SLAMF1: variants seen among roughly 807,000 people sequenced by gnomAD.
The protein encoded by SLAMF1 is signaling lymphocytic activation molecule.
SLAMF1 carries 18 observed loss-of-function variants against 35.1 expected under a neutral mutation model. The observed-to-expected ratio is 0.51, with a 90% CI of 0.35 to 0.76. The LOEUF is 0.76. SLAMF1 is among the 30% of genes least tolerant of loss of function. The pLI, the probability that SLAMF1 is intolerant of heterozygous loss-of-function variation, is 0.01. For missense variants in SLAMF1, 392 were observed against 413.0 expected, an observed-to-expected ratio of 0.95 and a Z score of 0.44; for synonymous variants, 168 against 157.2, an observed-to-expected ratio of 1.07 and a Z score of -0.51.
intron 4 of SLAMF1, among the ~76,000 whole-genome samples, chr1:160,622,070 G>C (rs1050237478): frequency 1.3e-5 from 2 of 152,144 alleles, no homozygotes; most frequent in African/African-American, 4.8e-5. Flanking sequence ...GGTCAGCTCA[G>C]AGTCAAATGT....
In SLAMF1 at chr1:160,612,644, C is replaced by T. The variant is rs140349582; in HGVS notation, c.865-64G>A. ...GAGAGCTAGTTCTCACCCAACTCTC[C>T]GATAGAGAAGCACAGACTCAAGAAG... On this transcript the variant is annotated intron_variant, in intron 5 of 6. Transcript: ENST00000302035. 1.7e-4 allele frequency: 164 copies of T among 977,500 alleles called. No individual in the cohort carries two copies. In the African/African-American group the frequency reaches 1.9e-3, roughly 11 times the overall value. 60.6% of individuals were successfully genotyped at this position (977,500 alleles called of 1,614,324 possible).
chr1:160,634,313 A>T, intron 3 of SLAMF1: 2 of 774,822 alleles, frequency 2.6e-6, no homozygotes, highest in Non-Finnish European at 3.1e-6. Flanking sequence ...CACCCAGCCA[A>T]CCTTGCAGGT....
intron 5 of SLAMF1, among the ~76,000 whole-genome samples, chr1:160,618,225 A>G (rs1659414731): frequency 6.6e-6 from 1 of 152,230 alleles, no homozygotes; most frequent in African/African-American, 2.4e-5. Flanking sequence ...GTATAAAGGA[A>G]CAAGAATAGC....
intron 5 of SLAMF1, among the ~76,000 whole-genome samples, chr1:160,619,258 T>C (rs573914253): frequency 1.3e-5 from 2 of 152,286 alleles, no homozygotes; most frequent in East Asian, 3.9e-4. Context: ...ATCCTTCACT[T>C]CTTAGTCCAG....
intron 1 of SLAMF1, among the ~76,000 whole-genome samples, chr1:160,645,930 T>C (rs987689465): frequency 6.6e-6 from 1 of 152,004 alleles, no homozygotes; most frequent in Non-Finnish European, 1.5e-5. Context: ...GGCCTCAGGA[T>C]TTCCCCCCGT....
In SLAMF1 at chr1:160,610,653, G is replaced by A. The variant is rs555956241; in HGVS notation, c.*95C>T. The A allele has an allele frequency of 2.4e-6, 2 of 833,264 alleles. No homozygotes were observed. Among genetic ancestry groups the A allele is most frequent in the East Asian group, 2.4e-5 (1 of 41,340 alleles). The allele number at this position is 833,264 out of a possible 1,614,324, so 51.6% of individuals were successfully genotyped here. ...TGAGAAGGGTACAGACGTGCAGCATGTCTGCCAGAGGAAACTTGGGGCCTG... is the reference window on the plus strand; with the variant it reads ...TGAGAAGGGTACAGACGTGCAGCATATCTGCCAGAGGAAACTTGGGGCCTG... On this transcript the variant is annotated 3_prime_UTR_variant, in exon 7 of 7. Transcript: ENST00000302035.
intron 4 of SLAMF1, among the ~76,000 whole-genome samples, 155 bp from the exon 5 acceptor site, chr1:160,620,004 A>C (rs1659522627): frequency 6.6e-6 from 1 of 152,038 alleles, no homozygotes; most frequent in Non-Finnish European, 1.5e-5. Context: ...CATTTGTCAT[A>C]TTGTCTTAGG....
At chr1:160,613,810 T>G (rs1296721885) in intron 5 of SLAMF1, among the ~76,000 whole-genome samples, 1 of 152,234 alleles carries the variant, frequency 6.6e-6, no homozygotes, top group Non-Finnish European at 1.5e-5. Context: ...AAACCAAGAT[T>G]AGGATTTGGG....
intron 1 of SLAMF1, among the ~76,000 whole-genome samples, chr1:160,646,097 T>C (rs1230000291): frequency 6.6e-6 from 1 of 152,156 alleles, no homozygotes; most frequent in East Asian, 1.9e-4. Context: ...CTGATACTTC[T>C]AAACAGAAAG....
chr1:160,633,076 A>AT (rs1301611430), intron 3 of SLAMF1, among the ~76,000 whole-genome samples: 5 of 152,180 alleles, frequency 3.3e-5, no homozygotes, highest in African/African-American at 1.2e-4. Context: ...TCTCAGAGGG[A>AT]TTGAGGCACT....
chr1:160,634,633 C>A lies in SLAMF1; in HGVS notation c.680G>T (p.Gly227Val). 6.2e-7 allele frequency: 1 copy of A among 1,610,146 alleles called. No homozygotes were observed. The highest frequency in any genetic ancestry group is 8.5e-7 in the Non-Finnish European group (1 of 1,177,634). The change falls in exon 3 of 7, where the codon GGA (glycine) becomes GTA (valine). Residue 227 changes from glycine (G) to valine (V), a missense_variant. By Grantham distance (109) the Gly-to-Val change is moderately radical. Coordinates refer to ENST00000302035, the MANE Select transcript of SLAMF1 (RefSeq NM_003037.5). ...CTCACCTGAGGGGTCTGTCCTGCAT[C>A]CGGGCCACGGGCTGAAGGTCTGGGA... ...NNSQTFSPWP[G>V]CRTDPSETKP...
At chr1:160,629,255 G>GT (rs372430685) in intron 3 of SLAMF1, among the ~76,000 whole-genome samples, 4 of 151,714 alleles carry the variant, frequency 2.6e-5, no homozygotes, top group East Asian at 1.9e-4. Context: ...GCCAGAGGGC[G>GT]TTTTTTTTCT....
At chr1:160,615,069 A>G (rs1008189514) in intron 5 of SLAMF1, among the ~76,000 whole-genome samples, 2 of 152,170 alleles carry the variant, frequency 1.3e-5, no homozygotes, top group African/African-American at 4.8e-5. Flanking sequence ...TATATTCTTT[A>G]TAAGATTATT....
intron 5 of SLAMF1, among the ~76,000 whole-genome samples, chr1:160,617,796 G>C (rs1659387620): frequency 1.3e-5 from 2 of 152,144 alleles, no homozygotes; most frequent in African/African-American, 4.8e-5. Flanking sequence ...ACTGAGGCCA[G>C]GCACAGTGGC....
Position 160,634,618 on chromosome 1 carries a change from G to A in SLAMF1, c.695C>T (p.Pro232Leu), listed in dbSNP as rs764791220. The change falls in exon 3 of 7, where the codon CCC becomes CTC. Residue 232 changes from proline (P) to leucine (L), a missense_variant. Coordinates refer to ENST00000302035, the MANE Select transcript of SLAMF1 (RefSeq NM_003037.5). ...GCTGCCACCAGTGTACTCACCTGAG[G>A]GGTCTGTCCTGCATCCGGGCCACGG... ...FSPWPGCRTD[P>L]SETKPWAVYA... 10 of 1,601,636 alleles carry A rather than the reference G, an allele frequency of 6.2e-6. No homozygotes were observed. The highest frequency in any genetic ancestry group is 8.5e-6 in the Non-Finnish European group (10 of 1,172,584).
At chr1:160,624,717 TGAAAG>T (rs1162479866) in intron 3 of SLAMF1, among the ~76,000 whole-genome samples, 3 of 152,236 alleles carry the variant, frequency 2.0e-5, no homozygotes, top group African/African-American at 4.8e-5. Context: ...AGACCTGAAC[TGAAAG>T]GAAAGTATTT....
chr1:160,611,497 T>TG (rs1658984092), intron 6 of SLAMF1, among the ~76,000 whole-genome samples: 1 of 152,202 alleles, frequency 6.6e-6, no homozygotes, highest in Non-Finnish European at 1.5e-5. Flanking sequence ...CAGGCATTTC[T>TG]GGATGAGTGT....
chr1:160,622,354 T>A (rs1394604739), intron 4 of SLAMF1, among the ~76,000 whole-genome samples: 1 of 152,206 alleles, frequency 6.6e-6, no homozygotes, highest in East Asian at 1.9e-4. Flanking sequence ...ATGGGTCTTT[T>A]CTCTTACCAT....
chr1:160,646,806 C>A (rs1220386323), intron 1 of SLAMF1, 64 bp downstream of exon 1: 4 of 898,220 alleles, frequency 4.5e-6, no homozygotes, highest in Non-Finnish European at 1.9e-6. Flanking sequence ...TCTCCATCCA[C>A]GAAGATACGC....
Sources: gnomAD v4.1 joint callset for allele counts (sites outside exome capture counted in the v4.1 genomes callset) on GRCh38, gnomAD v4.1.1 for gene constraint, MANE v1.5 for transcripts, NCBI Gene and HGNC (gene_info 2026-07-23, HGNC 2026-07-21) for gene names.